Variants in BEAN1 observed in about 807,000 individuals in gnomAD.
BEAN1 encodes the protein brain expressed associated with NEDD4 1, also known as protein BEAN1.
BEAN1 carries 17 observed loss-of-function variants against 17.7 expected under a neutral mutation model. The observed-to-expected ratio is 0.96, with a 90% CI of 0.66 to 1.44. BEAN1 has a LOEUF of 1.44. Ranked by LOEUF, BEAN1 falls within the 40% of genes most tolerant of loss-of-function variation. BEAN1 has a pLI of 0.00. For missense variants in BEAN1, 359 were observed against 374.1 expected (o/e 0.96, Z 0.33); for synonymous variants, 142 against 151.8 (o/e 0.94, Z 0.47).
rs546823942 is a variant in BEAN1, at chr16:66,482,471, C to T, written c.*1546C>T. 2.2e-5 allele frequency: 4 copies of T among 184,818 alleles called. No individual in the cohort carries two copies. Among genetic ancestry groups the T allele is most frequent in the African/African-American group, 4.8e-5 (2 of 41,742 alleles). The allele number at this position is 184,818 out of a possible 1,614,324, so 11.4% of individuals were successfully genotyped here. A position where few individuals can be genotyped will look rare whatever the true frequency, so the allele number is the denominator to read the frequency against. Reference sequence around the variant, plus strand: ...CACCCAGAAGTTCTGTAGCATCCTGCGTGCAGCCTCCTGGAGCCCCAGACT... The same window carrying T: ...CACCCAGAAGTTCTGTAGCATCCTGTGTGCAGCCTCCTGGAGCCCCAGACT... On this transcript the variant is annotated 3_prime_UTR_variant, in exon 5 of 5. Coordinates refer to ENST00000536005, the MANE Select transcript of BEAN1 (RefSeq NM_001178020.3).
chr16:66,451,848 G>A (rs1408690056), intron 2 of BEAN1, among the ~76,000 whole-genome samples: 1 of 152,202 alleles, frequency 6.6e-6, no homozygotes, highest in African/African-American at 2.4e-5. Context: ...GTCAGCTCCA[G>A]CAAAGGAACT....
chr16:66,494,570 C>T (rs939031790), downstream of BEAN1, among the ~76,000 whole-genome samples: 8 of 152,126 alleles, frequency 5.3e-5, no homozygotes, highest in Non-Finnish European at 1.0e-4. Context: ...TCTGAGTAGC[C>T]GCTTCCCTCA....
rs1963954099 is a variant in BEAN1 at position 66,480,724 on chromosome 16, C to A, written c.579C>A (p.His193Gln). The A allele has an allele frequency of 2.6e-6, 4 of 1,551,562 alleles. No individual in the cohort carries two copies. The South Asian group carries it at 4.8e-5, about 18-fold the overall frequency. The change falls in exon 5 of 5, where the codon CAC (histidine) becomes CAA (glutamine). Residue 193 changes from histidine to glutamine, a missense_variant. Transcript: ENST00000536005. ...DSGSGHSPGR[H>Q]QQEQRTPAQG... ...GCAGCGGCCACAGCCCTGGCCGACACCAGCAGGAGCAGAGGACCCCGGCCC... is the reference window on the plus strand; with the variant it reads ...GCAGCGGCCACAGCCCTGGCCGACAACAGCAGGAGCAGAGGACCCCGGCCC...
intron 1 of BEAN1, among the ~76,000 whole-genome samples, chr16:66,429,229 C>T (rs1961700740): frequency 6.6e-6 from 1 of 152,198 alleles, no homozygotes; most frequent in Non-Finnish European, 1.5e-5. Flanking sequence ...AGCCTTGATT[C>T]TTCGCAGACT....
intron 1 of BEAN1, 80 bp from the exon 2 acceptor site, chr16:66,437,515 A>C: frequency 1.3e-6 from 1 of 792,610 alleles, no homozygotes; most frequent in Non-Finnish European, 2.0e-6. Flanking sequence ...TTGACAGCTC[A>C]GGAGATGTGA....
chr16:66,442,272 C>G (rs1338823523), intron 2 of BEAN1, among the ~76,000 whole-genome samples: 1 of 152,208 alleles, frequency 6.6e-6, no homozygotes, highest in Non-Finnish European at 1.5e-5. Context: ...CAGGACTCCC[C>G]CAGGATGCAG....
At chr16:66,493,105 G>A (rs1466166369) in exon 5 of BEAN1, 4 of 702,884 alleles carry the variant, frequency 5.7e-6, no homozygotes, top group South Asian at 4.4e-5. Flanking sequence ...AGAATGTCAA[G>A]CAGATGGTGT....
intron 2 of BEAN1, among the ~76,000 whole-genome samples, chr16:66,457,252 G>T (rs1261976525): frequency 6.6e-6 from 1 of 152,212 alleles, no homozygotes; most frequent in Non-Finnish European, 1.5e-5. Flanking sequence ...TTAATGGATG[G>T]ATGGATAAGT....
At chr16:66,477,979 C>T (rs1963825408) in intron 4 of BEAN1, 2 of 322,844 alleles carry the variant, frequency 6.2e-6, no homozygotes, top group East Asian at 1.1e-4. Context: ...CCGGGAATGC[C>T]CCTGCAGTTT....
At chr16:66,468,892 C>A (rs1287359172) in intron 2 of BEAN1, among the ~76,000 whole-genome samples, 1 of 152,134 alleles carries the variant, frequency 6.6e-6, no homozygotes, top group Non-Finnish European at 1.5e-5. Context: ...CTCAAGGATC[C>A]AGCTGTTAGT....
At chr16:66,435,561 C>T (rs762736254) in intron 1 of BEAN1, among the ~76,000 whole-genome samples, 3 of 152,170 alleles carry the variant, frequency 2.0e-5, no homozygotes, top group Non-Finnish European at 4.4e-5. Context: ...GATCTCGGCT[C>T]ACTGCAACCT....
At chr16:66,487,656 A>AT (rs1964107313), downstream of BEAN1, among the ~76,000 whole-genome samples, 1 of 152,166 alleles carries the variant, frequency 6.6e-6, no homozygotes, top group Non-Finnish European at 1.5e-5. Flanking sequence ...CCTCTGAGCA[A>AT]CTAAGCTCTG....
intron 2 of BEAN1, among the ~76,000 whole-genome samples, chr16:66,440,594 G>A (rs79071993): frequency 0.02 from 3,043 of 152,290 alleles, 44 homozygotes; most frequent in South Asian, 0.045. Context: ...CCTGCCCTGG[G>A]ATGCTGGGCC....
intron 2 of BEAN1, among the ~76,000 whole-genome samples, chr16:66,441,309 C>G (rs1014459572): frequency 6.6e-6 from 1 of 152,130 alleles, no homozygotes; most frequent in African/African-American, 2.4e-5. Context: ...ACCCTGAGCG[C>G]TCCAGACCCC....
intron 4 of BEAN1, among the ~76,000 whole-genome samples, 153 bp from the exon 5 acceptor site, chr16:66,480,433 G>A (rs1415891366): frequency 1.3e-5 from 2 of 152,182 alleles, no homozygotes; most frequent in East Asian, 1.9e-4. Flanking sequence ...GAGATGGAGG[G>A]AAGTAGCAGG....
chr16:66,475,082 G>A (rs1963680940), intron 3 of BEAN1, among the ~76,000 whole-genome samples: 1 of 152,192 alleles, frequency 6.6e-6, no homozygotes, highest in South Asian at 2.1e-4. Context: ...AGGTATCGGG[G>A]TAAACAGGAG....
At chr16:66,484,715 G>A (rs181034684), downstream of BEAN1, 27 of 454,086 alleles carry the variant, frequency 5.9e-5, no homozygotes, top group African/African-American at 4.4e-4. The surrounding 1 kb of genome is among the most constrained non-coding windows in gnomAD (Gnocchi z 4.2). Context: ...AGCCAGTGAG[G>A]GGGTCACCAA....
At chr16:66,453,632 G>A (rs1962758870) in intron 2 of BEAN1, among the ~76,000 whole-genome samples, 1 of 152,100 alleles carries the variant, frequency 6.6e-6, no homozygotes, top group African/African-American at 2.4e-5. Context: ...AAAGTGTTGG[G>A]ATTACAGGCA....
downstream of BEAN1, chr16:66,485,546 C>T (rs1047302490): frequency 3.9e-5 from 8 of 206,646 alleles, no homozygotes; most frequent in Non-Finnish European, 8.0e-5. Context: ...TCTCTGGAGC[C>T]CAGGACTGGT....
Sources: allele counts gnomAD v4.1 joint callset (sites outside exome capture counted in the v4.1 genomes callset), GRCh38; gene constraint gnomAD v4.1.1; non-coding constraint Gnocchi (gnomAD v3.1); transcripts MANE v1.5; gene names NCBI Gene and HGNC (gene_info 2026-07-23, HGNC 2026-07-21).